Variants in PUDP observed in about 807,000 individuals in gnomAD.
PUDP encodes pseudouridine 5'-phosphatase.
In PUDP, 8 loss-of-function variants were observed where a neutral mutation model predicts 9.4. That is an observed-to-expected ratio of 0.85 (90% confidence interval 0.50 to 1.53). The LOEUF is 1.53. Among genes scored for constraint, PUDP ranks in the 40% most tolerant of loss-of-function variants. The pLI, the probability that PUDP is intolerant of heterozygous loss-of-function variation, is 0.00. For synonymous variants in PUDP, 99 were observed against 80.7 expected, an observed-to-expected ratio of 1.23 and a Z score of -1.22; for missense variants, 188 against 189.7, an observed-to-expected ratio of 0.99 and a Z score of 0.05.
At chrX:6,798,989 C>T (rs1436196512) in intron 3 of PUDP, among the ~76,000 whole-genome samples, 1 of 111,739 alleles carries the variant, frequency 8.9e-6, no homozygotes, top group Non-Finnish European at 1.9e-5. Context: ...TCTTGCTATG[C>T]TCCCAGGCTG....
At chrX:6,869,506 C>T (rs1018846556) in intron 3 of PUDP, among the ~76,000 whole-genome samples, 11 of 111,844 alleles carry the variant, frequency 9.8e-5, no homozygotes, top group Non-Finnish European at 1.9e-4. Context: ...AACTCCCTTA[C>T]AGCATGGCAG....
At chrX:6,875,425 CAT>C (rs1002949908) in intron 3 of PUDP, among the ~76,000 whole-genome samples, 1 of 111,644 alleles carries the variant, frequency 9.0e-6, no homozygotes, top group Non-Finnish European at 1.9e-5. Context: ...ATCTCCCACA[CAT>C]GAGCACACAT....
At chrX:6,946,722 A>T (rs1928469789) in intron 3 of PUDP, among the ~76,000 whole-genome samples, 1 of 111,926 alleles carries the variant, frequency 8.9e-6, no homozygotes, top group African/African-American at 3.2e-5. Flanking sequence ...TGTAAAAAAA[A>T]ATCACAAAGC....
chrX:6,715,135 T>G (rs1924585642), intron 1 of PUDP, among the ~76,000 whole-genome samples: 1 of 111,011 alleles, frequency 9.0e-6, no homozygotes, highest in African/African-American at 3.3e-5. Context: ...TACCAAAAGG[T>G]AGTTCATATT....
At chrX:7,022,212 A>G (rs1470708761) in intron 1 of PUDP, among the ~76,000 whole-genome samples, 2 of 111,593 alleles carry the variant, frequency 1.8e-5, no homozygotes, top group Admixed American at 9.5e-5. Context: ...AGAAGTCCTG[A>G]GGGCAAAGGT....
rs756168291 is a variant in PUDP at position 7,030,032 on chromosome X, A to G, written c.204+47188T>C. ...TGCCCCATTCCAATTCTCCATCCCC[A>G]TGCTGAGGAGGCTGGAGGATTCAGA... is the stretch of plus-strand genomic sequence containing the variant. On this transcript the variant is annotated intron_variant and NMD_transcript_variant, in intron 1 of 3. Coordinates refer to the PUDP transcript ENST00000655425. Among the ~76,000 whole-genome samples the G allele has an allele frequency of 2.7e-5, 3 of 109,891 alleles. No individual in the cohort carries two copies. The South Asian group carries it at 1.2e-3, about 43-fold the overall frequency.
At chrX:6,782,765 C>T (rs1038941495) in intron 3 of PUDP, among the ~76,000 whole-genome samples, 3 of 111,243 alleles carry the variant, frequency 2.7e-5, no homozygotes, top group Non-Finnish European at 3.8e-5. Context: ...CTTGTAGGAA[C>T]TTTAATTAAT....
intron 1 of PUDP, among the ~76,000 whole-genome samples, chrX:6,717,953 G>A (rs1430935688): frequency 1.8e-5 from 2 of 111,682 alleles, no homozygotes; most frequent in Admixed American, 1.9e-4. Flanking sequence ...GATATGATTA[G>A]TGATGTTGAG....
chrX:7,140,311 C>T (rs1932783379), intron 1 of PUDP, among the ~76,000 whole-genome samples: 1 of 111,167 alleles, frequency 9.0e-6, no homozygotes, highest in African/African-American at 3.3e-5. Flanking sequence ...CCCTTATAGC[C>T]GATGGTAGGA....
At chrX:6,957,744 A>T (rs780179998) in intron 3 of PUDP, among the ~76,000 whole-genome samples, 6 of 112,472 alleles carry the variant, frequency 5.3e-5, no homozygotes, top group Non-Finnish European at 9.4e-5. Context: ...ATACATTGCC[A>T]TAAATGTAAT....
intron 1 of PUDP, among the ~76,000 whole-genome samples, chrX:6,983,944 G>A (rs1320751411): frequency 1.8e-5 from 2 of 112,145 alleles, no homozygotes; most frequent in Admixed American, 1.9e-4. Context: ...CCCTATGCTC[G>A]GGCCCACTCC....
At chrX:6,844,711 A>G (rs184108054) in intron 3 of PUDP, among the ~76,000 whole-genome samples, 1 of 112,613 alleles carries the variant, frequency 8.9e-6, no homozygotes, top group East Asian at 2.8e-4. Context: ...ATTGGCTCAT[A>G]CAATTATGAA....
chrX:6,795,338 T>C (rs746248678), intron 3 of PUDP, among the ~76,000 whole-genome samples: 153 of 112,053 alleles, frequency 1.4e-3, no homozygotes, highest in Admixed American at 2.3e-3. Flanking sequence ...TAGAGCTTCA[T>C]TGATGTTGGC....
intron 3 of PUDP, among the ~76,000 whole-genome samples, chrX:7,061,896 A>T (rs1013065923): frequency 8.9e-6 from 1 of 111,772 alleles, no homozygotes; most frequent in African/African-American, 3.3e-5. Flanking sequence ...CATTCTGTAG[A>T]CGTTACAAAA....
intron 1 of PUDP, chrX:6,989,182 T>C (rs1033895086): frequency 8.9e-5 from 10 of 111,836 alleles, no homozygotes; most frequent in African/African-American, 2.9e-4. Context: ...CTTAGAAGAG[T>C]TGTAAATTCA....
chrX:6,983,448 C>A (rs997573536), intron 1 of PUDP, among the ~76,000 whole-genome samples: 4 of 111,519 alleles, frequency 3.6e-5, no homozygotes, highest in African/African-American at 1.3e-4. Context: ...GAAAAAAAAT[C>A]TCAAAATATT....
intron 1 of PUDP, among the ~76,000 whole-genome samples, chrX:7,023,963 T>C (rs1929669394): frequency 8.9e-6 from 1 of 112,169 alleles, no homozygotes; most frequent in Admixed American, 9.5e-5. Flanking sequence ...AAATATTTCA[T>C]ATTTCTGAAG....
intron 1 of PUDP, among the ~76,000 whole-genome samples, chrX:7,147,288 G>A (rs758245670): frequency 1.8e-5 from 2 of 111,387 alleles, no homozygotes; most frequent in Non-Finnish European, 3.8e-5. Context: ...TGATGTCCCC[G>A]GTGCTGGTCA....
At chrX:6,953,276 C>A (rs1332430271) in intron 3 of PUDP, among the ~76,000 whole-genome samples, 1 of 111,208 alleles carries the variant, frequency 9.0e-6, no homozygotes, top group African/African-American at 3.3e-5. Context: ...TCAATTCCAT[C>A]TTTGTTCTTT....
Sources: allele counts gnomAD v4.1 joint callset (sites outside exome capture counted in the v4.1 genomes callset), GRCh38; gene constraint gnomAD v4.1.1; transcripts MANE v1.5; gene names NCBI Gene and HGNC (gene_info 2026-07-23, HGNC 2026-07-21).